Variants in PDE4D observed in about 807,000 individuals in gnomAD.
The protein encoded by PDE4D is 3',5'-cyclic-AMP phosphodiesterase 4D.
In PDE4D, 24 loss-of-function variants were observed where a neutral mutation model predicts 87.4. The observed-to-expected ratio is 0.27, with a 90% confidence interval of 0.20 to 0.39. PDE4D has a LOEUF of 0.39. PDE4D is among the 10% of genes least tolerant of loss of function. The probability of loss-of-function intolerance (pLI) is 1.00; values close to 1 mark genes in which losing one functional copy is unlikely to be tolerated. For synonymous variants in PDE4D, 384 were observed against 383.2 expected (o/e 1.00, Z -0.02); for missense variants, 714 against 1,041.0 (o/e 0.69, Z 4.32).
intron 1 of PDE4D, among the ~76,000 whole-genome samples, chr5:59,374,625 C>T (rs1487178174): frequency 6.6e-6 from 1 of 152,054 alleles, no homozygotes; most frequent in Non-Finnish European, 1.5e-5. Context: ...ATCATCAAGA[C>T]AGGAAATTAA....
chr5:60,505,296 G>T (rs868830631), intron 1 of PDE4D, among the ~76,000 whole-genome samples: 2 of 152,170 alleles, frequency 1.3e-5, no homozygotes, highest in African/African-American at 2.4e-5. Context: ...TGTACAATTT[G>T]CATGTTTGTT....
chr5:59,288,273 C>A (rs565411467), intron 1 of PDE4D, among the ~76,000 whole-genome samples: 1 of 151,684 alleles, frequency 6.6e-6, no homozygotes, highest in South Asian at 2.1e-4. Flanking sequence ...AAGAATCAAG[C>A]GGAAATTCTG....
At chr5:59,914,866 G>GGAGTGTGTGT (rs1342565323) in intron 3 of PDE4D, among the ~76,000 whole-genome samples, 1 of 122,542 alleles carries the variant, frequency 8.2e-6, no homozygotes, top group South Asian at 3.0e-4. Flanking sequence ...TACTGATAGG[G>GGAGTGTGTGT]GTGTGTGTGT....
At chr5:59,521,927 A>T (rs573631116) in intron 1 of PDE4D, among the ~76,000 whole-genome samples, 1 of 152,366 alleles carries the variant, frequency 6.6e-6, no homozygotes, top group Non-Finnish European at 1.5e-5. Flanking sequence ...GATGAACATG[A>T]AGATAAAAAG....
intron 1 of PDE4D, among the ~76,000 whole-genome samples, chr5:59,468,582 G>A (rs1801942629): frequency 6.6e-6 from 1 of 152,198 alleles, no homozygotes; most frequent in Non-Finnish European, 1.5e-5. Context: ...ACCAAGGAAT[G>A]ACTGTAGAAG....
At position 59,357,227 on chromosome 5, in the gene PDE4D, T is replaced by C. The variant is rs186749430; in HGVS notation, c.456-141259A>G. ...CATGCACACACAACAAAAGGTGTGA[T>C]TGAAGTGGGTAAACCTTTATATCAG... On this transcript the variant is annotated intron_variant, in intron 1 of 14. Coordinates refer to ENST00000340635, the MANE Select transcript of PDE4D (RefSeq NM_001104631.2). 2.5e-3 allele frequency among the ~76,000 whole-genome samples: 388 copies of C among 152,252 alleles called. 2 individuals are homozygous for C. Among genetic ancestry groups the C allele is most frequent in the Non-Finnish European group, 4.3e-3 (291 of 68,018 alleles).
chr5:59,555,303 T>C (rs1012495957), intron 1 of PDE4D, among the ~76,000 whole-genome samples: 2 of 151,738 alleles, frequency 1.3e-5, no homozygotes, highest in Admixed American at 1.3e-4. Flanking sequence ...ATAATGAAAA[T>C]ACATGGACAC....
At position 59,536,504 on chromosome 5, in the gene PDE4D, C is replaced by CAAAAAAAAAAAAAA. The variant is rs10586960; in HGVS notation, c.456-320550_456-320537dup. Among the ~76,000 whole-genome samples the CAAAAAAAAAAAAAA allele has an allele frequency of 6.2e-4, 35 of 56,372 alleles. 1 individual carries two copies. The highest frequency in any genetic ancestry group is 3.1e-3 in the African/African-American group (33 of 10,698). The allele number at this position is 56,372 out of a possible 152,430, so 37.0% of individuals were successfully genotyped here. A position where few individuals can be genotyped will look rare whatever the true frequency, so the allele number is the denominator to read the frequency against. ...TGGGCAACAGAGCAAGACTCAGCCT[C>CAAAAAAAAAAAAAA]AAAAAAAAAAAAAAAAAAAAAAAAA... On this transcript the variant is annotated intron_variant, in intron 1 of 14. Transcript: ENST00000340635.
chr5:59,623,499 T>C (rs1324783838), intron 1 of PDE4D, among the ~76,000 whole-genome samples: 1 of 152,186 alleles, frequency 6.6e-6, no homozygotes, highest in Non-Finnish European at 1.5e-5. Context: ...TGGAGCTCTG[T>C]TGTTCTGTTC....
intron 1 of PDE4D, among the ~76,000 whole-genome samples, chr5:59,438,851 C>G (rs953922066): frequency 2.0e-5 from 3 of 151,998 alleles, no homozygotes; most frequent in Non-Finnish European, 4.4e-5. Flanking sequence ...TTGAATACAT[C>G]TAGAAAAGAA....
chr5:60,012,064 C>G (rs1765071063), intron 2 of PDE4D, among the ~76,000 whole-genome samples: 1 of 151,996 alleles, frequency 6.6e-6, no homozygotes. Context: ...GGTAGAAATG[C>G]TGTGTGCTGA....
chr5:60,193,656 C>T (rs1185222999), intron 1 of PDE4D, among the ~76,000 whole-genome samples: 11 of 103,186 alleles, frequency 1.1e-4, no homozygotes, highest in Admixed American at 9.3e-4. Context: ...TGGGCGACAG[C>T]GAGACTCCGT....
intron 1 of PDE4D, among the ~76,000 whole-genome samples, chr5:59,634,248 G>T (rs1174408114): frequency 6.6e-6 from 1 of 152,138 alleles, no homozygotes; most frequent in African/African-American, 2.4e-5. Flanking sequence ...AGTTCCTAGA[G>T]ACCTACAAAG....
chr5:59,830,252 C>G (rs750480099), intron 1 of PDE4D, among the ~76,000 whole-genome samples: 1 of 152,046 alleles, frequency 6.6e-6, no homozygotes, highest in African/African-American at 2.4e-5. Flanking sequence ...GTTCCAGCAC[C>G]TCATTTGTTA....
chr5:59,073,814 T>C (rs533952018), intron 5 of PDE4D, among the ~76,000 whole-genome samples: 27 of 152,336 alleles, frequency 1.8e-4, no homozygotes, highest in African/African-American at 6.0e-4. Flanking sequence ...AAGGAACTTC[T>C]GGTAAAGTTT....
At chr5:59,609,763 A>G (rs1393629623) in intron 1 of PDE4D, among the ~76,000 whole-genome samples, 1 of 152,178 alleles carries the variant, frequency 6.6e-6, no homozygotes, top group Non-Finnish European at 1.5e-5. Context: ...CACTCTACAG[A>G]AAAAAGGAAT....
At chr5:59,128,943 C>A (rs1775898126) in intron 5 of PDE4D, among the ~76,000 whole-genome samples, 1 of 152,198 alleles carries the variant, frequency 6.6e-6, no homozygotes, top group African/African-American at 2.4e-5. Context: ...TACTCAAGGT[C>A]ATCCACCTAT....
intron 5 of PDE4D, among the ~76,000 whole-genome samples, chr5:59,148,483 A>G (rs1411568601): frequency 6.6e-6 from 1 of 152,136 alleles, no homozygotes; most frequent in Non-Finnish European, 1.5e-5. Flanking sequence ...GCATGGAGAC[A>G]ATGACAATAG....
chr5:60,520,827 A>C (rs949281016), intron 1 of PDE4D, among the ~76,000 whole-genome samples: 1 of 152,146 alleles, frequency 6.6e-6, no homozygotes, highest in Non-Finnish European at 1.5e-5. Flanking sequence ...AGATTCCCCC[A>C]AAATCAAAGG....
Sources: gnomAD v4.1 joint callset for allele counts (sites outside exome capture counted in the v4.1 genomes callset) on GRCh38, gnomAD v4.1.1 for gene constraint, MANE v1.5 for transcripts, NCBI Gene and HGNC (gene_info 2026-07-23, HGNC 2026-07-21) for gene names.